Variants in ANK3 observed in about 807,000 individuals in gnomAD.
ANK3 encodes the protein ankyrin-3.
Under a neutral mutation model 370.9 loss-of-function variants are expected in ANK3, and 57 were observed. That is an observed-to-expected ratio of 0.15 (90% CI 0.12 to 0.19). The LOEUF (loss-of-function observed/expected upper bound fraction) is 0.19, where lower values mean the gene tolerates loss of function less well. Among genes scored for constraint, ANK3 ranks in the 10% least tolerant of loss-of-function variants. ANK3 has a pLI of 1.00. For missense variants in ANK3, 4,439 were observed against 5,302.1 expected (o/e 0.84, Z 5.06); for synonymous variants, 1,929 against 1,946.3 (o/e 0.99, Z 0.23).
At position 60,070,172 on chromosome 10, in the gene ANK3, G is replaced by A. The variant is rs762671321; in HGVS notation, c.10709C>T (p.Ala3570Val). Reference protein sequence around the residue: ...REDETKPFGLAVEDRSPATTP... With the variant: ...REDETKPFGLVVEDRSPATTP... ...TGTTGCTGGAGAGCGGTCTTCTACC[G>A]CCAGCCCAAATGGCTTAGTTTCATC... Residue 3570 changes from alanine (A) to valine (V), a missense_variant, in exon 37 of 44, where the codon GCG (alanine) becomes GTG (valine). This residue lies in a region of ANK3 where 1,601 missense variants were observed against 1,731.7 expected (regional missense o/e 0.92). Transcript: ENST00000280772. The surrounding 1 kb of genome is among the most constrained non-coding windows in gnomAD (Gnocchi z 5.7). The A allele has an allele frequency of 2.5e-5, 40 of 1,613,984 alleles. No homozygotes were observed. Among genetic ancestry groups the A allele is most frequent in the East Asian group, 1.3e-4 (6 of 44,880 alleles).
intron 8 of ANK3, among the ~76,000 whole-genome samples, chr10:60,219,202 G>T (rs2096997969): frequency 6.6e-6 from 1 of 151,856 alleles, no homozygotes; most frequent in South Asian, 2.1e-4. Context: ...AAGGTTCTTA[G>T]CTTCTTTGTA....
chr10:60,314,521 C>T (rs1416897931), intron 1 of ANK3, among the ~76,000 whole-genome samples: 1 of 152,102 alleles, frequency 6.6e-6, no homozygotes, highest in Non-Finnish European at 1.5e-5. Flanking sequence ...GGGCACACTT[C>T]TGGGAATCTG....
chr10:60,363,039 T>G (rs954932710), intron 1 of ANK3, among the ~76,000 whole-genome samples: 1 of 140,960 alleles, frequency 7.1e-6, no homozygotes, highest in East Asian at 2.4e-4. Flanking sequence ...TGCCAACTAC[T>G]TACTTTTCCA....
chr10:60,102,193 C>G (rs1359735590), intron 28 of ANK3, among the ~76,000 whole-genome samples: 1 of 149,214 alleles, frequency 6.7e-6, no homozygotes, highest in Non-Finnish European at 1.5e-5. Flanking sequence ...CAGCTTTGAG[C>G]AAATTAGAAG....
At chr10:60,176,815 T>A (rs964694226) in intron 18 of ANK3, among the ~76,000 whole-genome samples, 1 of 151,936 alleles carries the variant, frequency 6.6e-6, no homozygotes, top group African/African-American at 2.4e-5. Context: ...AAAAACCAAG[T>A]AATTTTGCTA....
intron 5 of ANK3, among the ~76,000 whole-genome samples, chr10:60,267,624 C>A (rs953642242): frequency 6.6e-6 from 1 of 152,066 alleles, no homozygotes; most frequent in African/African-American, 2.4e-5. Flanking sequence ...TCTTTTGGGG[C>A]CTTGAAAACT....
intron 8 of ANK3, among the ~76,000 whole-genome samples, chr10:60,229,138 T>G (rs1340111447): frequency 6.6e-6 from 1 of 152,240 alleles, no homozygotes; most frequent in African/African-American, 2.4e-5. Context: ...TGGCATTTCA[T>G]GATTACTGGT....
chr10:60,653,936 A>G (rs1263706923), intron 1 of ANK3, among the ~76,000 whole-genome samples: 1 of 152,210 alleles, frequency 6.6e-6, no homozygotes, highest in African/African-American at 2.4e-5. Flanking sequence ...GACACTATAG[A>G]TGAATTCAAG....
At chr10:60,462,849 G>T (rs1298921909) in intron 2 of ANK3, among the ~76,000 whole-genome samples, 1 of 151,724 alleles carries the variant, frequency 6.6e-6, no homozygotes, top group African/African-American at 2.4e-5. Context: ...AAGAATTTCT[G>T]TCATATCTCT....
chr10:60,056,056 A>G lies in ANK3; in HGVS notation c.12687-20T>C. 6.3e-7 allele frequency: 1 copy of G among 1,580,782 alleles called. No individual in the cohort carries two copies. ...TCAGGGCTGCAACAGAAAATTTGCA[A>G]ATTCACAATGGCAAACTATGACTGA... On this transcript the variant is annotated intron_variant, in intron 41 of 43. Transcript: ENST00000280772.
At chr10:60,452,653 C>T (rs2064639927) in intron 2 of ANK3, among the ~76,000 whole-genome samples, 1 of 152,214 alleles carries the variant, frequency 6.6e-6, no homozygotes, top group African/African-American at 2.4e-5. Flanking sequence ...TAAAGATACT[C>T]AGAAATTCAA....
intron 1 of ANK3, among the ~76,000 whole-genome samples, chr10:60,658,087 G>A (rs1438232557): frequency 7.1e-6 from 1 of 141,334 alleles, no homozygotes; most frequent in African/African-American, 2.6e-5. Context: ...ATTGTATCCT[G>A]TTATTAAAAA....
intron 23 of ANK3, chr10:60,140,417 C>T: frequency 6.2e-7 from 1 of 1,613,448 alleles, no homozygotes; most frequent in Non-Finnish European, 8.5e-7. Context: ...TCCAGGAATT[C>T]CTTAAGCAGT....
intron 2 of ANK3, among the ~76,000 whole-genome samples, chr10:60,550,727 G>A (rs768045551): frequency 6.6e-6 from 1 of 152,006 alleles, no homozygotes; most frequent in Non-Finnish European, 1.5e-5. Flanking sequence ...TGAACACAGC[G>A]CATTCTGGCA....
chr10:60,226,578 A>G (rs1183567248), intron 8 of ANK3, among the ~76,000 whole-genome samples: 1 of 83,230 alleles, frequency 1.2e-5, no homozygotes, highest in South Asian at 3.3e-4. Context: ...GTATATGTAT[A>G]TATACTATGT....
chr10:60,067,131 G>A (rs953663584), intron 38 of ANK3, among the ~76,000 whole-genome samples: 1 of 152,118 alleles, frequency 6.6e-6, no homozygotes, highest in Non-Finnish European at 1.5e-5. Flanking sequence ...TGTTGGGTAG[G>A]CTAGTCCTGA....
chr10:60,448,120 G>T (rs778079101), intron 2 of ANK3, among the ~76,000 whole-genome samples: 2 of 152,132 alleles, frequency 1.3e-5, no homozygotes, highest in Non-Finnish European at 2.9e-5. Context: ...AGAAGAACAG[G>T]CAGGGAAAGT....
rs138829615 is a variant in ANK3, at chr10:60,039,578, T to C, written c.*19+3094A>G. The stretch of plus-strand genomic sequence containing the variant: ...TGCTTTTGGGTCTTTAATGATCAAA[T>C]ACTATTTATTAATATAAGTAGTAGT... On this transcript the variant is annotated intron_variant, in intron 43 of 43. Transcript: ENST00000280772. Among the ~76,000 whole-genome samples, 729 of 152,338 alleles carry C rather than the reference T, an allele frequency of 4.8e-3. 7 individuals are homozygous for C. Among genetic ancestry groups the C allele is most frequent in the African/African-American group, 0.017 (705 of 41,584 alleles).
At chr10:60,422,145 C>G (rs1301986196) in intron 2 of ANK3, among the ~76,000 whole-genome samples, 1 of 152,010 alleles carries the variant, frequency 6.6e-6, no homozygotes, top group Non-Finnish European at 1.5e-5. Context: ...CCTGTCTTGT[C>G]TTTTAATTTT....
Sources: gnomAD v4.1 joint callset for allele counts (sites outside exome capture counted in the v4.1 genomes callset) on GRCh38, gnomAD v4.1.1 for gene constraint, gnomAD v4.1.1 regional missense constraint, Gnocchi (gnomAD v3.1) non-coding constraint, MANE v1.5 for transcripts, NCBI Gene and HGNC (gene_info 2026-07-23, HGNC 2026-07-21) for gene names.